Variants in WNK1 observed in about 807,000 individuals in gnomAD.
The protein encoded by WNK1 is WNK lysine deficient protein kinase 1, also known as serine/threonine-protein kinase WNK1.
Under a neutral mutation model 222.8 loss-of-function variants are expected in WNK1, and 38 were observed. The observed-to-expected ratio is 0.17, with a 90% confidence interval of 0.13 to 0.22. The LOEUF (loss-of-function observed/expected upper bound fraction) is 0.22, where lower values mean the gene tolerates loss of function less well. Ranked by LOEUF, WNK1 falls within the 10% of genes least tolerant of loss-of-function variation. The pLI is 1.00. For synonymous variants in WNK1, 1,090 were observed against 1,092.9 expected (o/e 1.00, Z 0.05); for missense variants, 2,348 against 2,918.4 (o/e 0.80, Z 4.50).
Position 908,861 on chromosome 12 carries a change from G to GGGGGGGGGGGGGGGCCA in WNK1, c.*69_*70insGGGGGGGGGGGGGGCCA. On this transcript the variant is annotated 3_prime_UTR_variant, in exon 28 of 28. Transcript: ENST00000315939. ...ATGCTGAGGGGGTGGGTGGGGGTGG[G>GGGGGGGGGGGGGGGCCA]AAGTAGCCTATATACTAACTACTAG... 3 of 491,846 alleles carry GGGGGGGGGGGGGGGCCA rather than the reference G, an allele frequency of 6.1e-6. No individual in the cohort carries two copies. Among genetic ancestry groups the GGGGGGGGGGGGGGGCCA allele is most frequent in the Admixed American group, 2.2e-5 (1 of 46,428 alleles). The allele number at this position is 491,846 out of a possible 1,614,324, so 30.5% of individuals were successfully genotyped here.
At chr12:834,273 C>T (rs1393464139) in intron 4 of WNK1, among the ~76,000 whole-genome samples, 1 of 152,140 alleles carries the variant, frequency 6.6e-6, no homozygotes, top group Non-Finnish European at 1.5e-5. Flanking sequence ...TTCTCCTGCT[C>T]CCAAATCCTG....
chr12:868,560 T>A, intron 8 of WNK1: 1 of 1,613,974 alleles, frequency 6.2e-7, no homozygotes, highest in Non-Finnish European at 8.5e-7. Flanking sequence ...TTTCACCCTG[T>A]CTTTGTTCCT....
Position 827,023 on chromosome 12 carries a change from T to A in WNK1, c.933-19T>A. The stretch of plus-strand genomic sequence containing the variant: ...CTCCTATCATTGATAACTTGTTTGG[T>A]ATACTTTGCTTTTTCTAGGTATCTG... On this transcript the variant is annotated intron_variant, in intron 2 of 27. Coordinates refer to ENST00000315939, the MANE Select transcript of WNK1 (RefSeq NM_018979.4). The surrounding 1 kb of genome is among the most constrained non-coding windows in gnomAD (Gnocchi z 4.6). 6.2e-7 allele frequency: 1 copy of A among 1,600,404 alleles called. No homozygotes were observed. The highest frequency in any genetic ancestry group is 2.2e-5 in the East Asian group (1 of 44,822).
chr12:757,640 C>G (rs1186397261), intron 1 of WNK1, among the ~76,000 whole-genome samples: 1 of 120,092 alleles, frequency 8.3e-6, no homozygotes, highest in South Asian at 2.9e-4. Context: ...ATTTGGTTGT[C>G]TTGGTCAGAA....
chr12:908,777 C>A lies in WNK1; in HGVS notation c.7134C>A (p.Asn2378Lys). The change falls in exon 28 of 28, where the codon AAC becomes AAA. Residue 2378 changes from asparagine to lysine, a missense_variant. Physicochemically the swap from Asn to Lys is moderately conservative, Grantham distance 94 (BLOSUM62 0). Around this residue, in one of 13 missense-constraint regions of WNK1, gnomAD observed 76 missense variants for 85.7 expected, o/e 0.89. Transcript: ENST00000315939. ...CCATCAGCAACCCCCCAGGCTCCAA[C>A]CTGCGGACCACTTAGACCTAGAGAC... is the stretch of plus-strand genomic sequence containing the variant. ...QKSISNPPGSNLRTT is the reference protein window; with the variant it reads ...QKSISNPPGSKLRTT 2 of 1,607,840 alleles carry A rather than the reference C, an allele frequency of 1.2e-6. No individual in the cohort carries two copies. Among genetic ancestry groups the A allele is most frequent in the Non-Finnish European group, 1.7e-6 (2 of 1,176,468 alleles).
intron 26 of WNK1, among the ~76,000 whole-genome samples, chr12:903,419 A>C (rs1410501194): frequency 6.6e-6 from 1 of 152,146 alleles, no homozygotes; most frequent in Non-Finnish European, 1.5e-5. Context: ...TTTAATTTGC[A>C]TGTCCACCTA....
At chr12:786,228 C>T (rs1363492757) in intron 1 of WNK1, among the ~76,000 whole-genome samples, 1 of 152,074 alleles carries the variant, frequency 6.6e-6, no homozygotes, top group African/African-American at 2.4e-5. Flanking sequence ...AACGTGTCAG[C>T]CCTACAAAAT....
At chr12:818,847 T>C (rs1461411420) in intron 2 of WNK1, among the ~76,000 whole-genome samples, 6 of 152,246 alleles carry the variant, frequency 3.9e-5, no homozygotes, top group Non-Finnish European at 2.9e-5. Flanking sequence ...CATGGAAATA[T>C]CACAGTTTGT....
At position 908,041 on chromosome 12, in the gene WNK1, C is replaced by G. The variant is rs1462074950; in HGVS notation, c.6831+7C>G. On this transcript the variant is annotated splice_region_variant and intron_variant, in intron 27 of 27. Coordinates refer to ENST00000315939, the MANE Select transcript of WNK1 (RefSeq NM_018979.4). ...AGGGCACATGAATTACGAGGTAAGT[C>G]TCTCTTTTGCCGCAGAGAATCCGTA... The G allele has an allele frequency of 1.2e-6, 2 of 1,613,876 alleles. No homozygotes were observed. The highest frequency in any genetic ancestry group is 1.7e-6 in the Non-Finnish European group (2 of 1,179,970).
chr12:897,386 A>G (rs894338410), intron 24 of WNK1, 93 bp from the exon 25 acceptor site: 37 of 855,894 alleles, frequency 4.3e-5, no homozygotes, highest in Middle Eastern at 2.2e-4. Flanking sequence ...TAACTACTAC[A>G]TACTTGAAAG....
At chr12:868,960 C>A in intron 8 of WNK1, 1 of 1,588,720 alleles carries the variant, frequency 6.3e-7, no homozygotes. Context: ...CACCTTTTGG[C>A]TCTGACGTCT....
chr12:799,417 C>T, intron 1 of WNK1, among the ~76,000 whole-genome samples: 1 of 151,322 alleles, frequency 6.6e-6, no homozygotes, highest in East Asian at 2.0e-4. Flanking sequence ...AGGCATGAGC[C>T]ACCGCACCCG....
chr12:763,598 A>AG (rs1425228018), intron 1 of WNK1, among the ~76,000 whole-genome samples: 69 of 146,968 alleles, frequency 4.7e-4, no homozygotes, highest in African/African-American at 1.7e-3. Flanking sequence ...TCAAAAAAAA[A>AG]AGAAAAAGTT....
At chr12:848,250 G>A (rs1259254570) in intron 4 of WNK1, among the ~76,000 whole-genome samples, 1 of 152,134 alleles carries the variant, frequency 6.6e-6, no homozygotes, top group Non-Finnish European at 1.5e-5. Flanking sequence ...TTTGAGCAGT[G>A]TGATTATGAG....
chr12:811,572 T>A (rs1946908102), intron 1 of WNK1, among the ~76,000 whole-genome samples: 1 of 152,156 alleles, frequency 6.6e-6, no homozygotes, highest in African/African-American at 2.4e-5. Flanking sequence ...TTGGCAAAAA[T>A]TATTTTTAAA....
chr12:763,830 G>C lies in WNK1; in HGVS notation c.759+9506G>C, dbSNP rs1418586546. Among the ~76,000 whole-genome samples, 2 of 147,516 alleles carry C rather than the reference G, an allele frequency of 1.4e-5. 1 individual carries two copies. Among genetic ancestry groups the C allele is most frequent in the Non-Finnish European group, 3.0e-5 (2 of 66,060 alleles). On this transcript the variant is annotated intron_variant, in intron 1 of 27. Transcript: ENST00000315939. ...ATTAATTGGTGTTTGGAGGAAAAAT[G>C]AAGCATGGATAAGAGGTTAGGGGAT...
chr12:827,383 G>A lies in WNK1; in HGVS notation c.1153+121G>A, dbSNP rs1400968705. On this transcript the variant is annotated intron_variant, in intron 3 of 27. Coordinates refer to ENST00000315939, the MANE Select transcript of WNK1 (RefSeq NM_018979.4). This position sits in a 1 kb window ranked among gnomAD's most constrained non-coding sequence, Gnocchi z 4.6. ...TAAGAAATTCATAGCTTGAACTCAGGAGGTGATCCATTGTACTTATGAGAT... is the reference window on the plus strand; with the variant it reads ...TAAGAAATTCATAGCTTGAACTCAGAAGGTGATCCATTGTACTTATGAGAT... The A allele has an allele frequency of 2.4e-6, 2 of 849,338 alleles. No homozygotes were observed. Among genetic ancestry groups the A allele is most frequent in the African/African-American group, 1.7e-5 (1 of 59,586 alleles). 52.6% of individuals were successfully genotyped at this position (849,338 alleles called of 1,614,324 possible). A position where few individuals can be genotyped will look rare whatever the true frequency, so the allele number is the denominator to read the frequency against.
At chr12:875,032 T>TA (rs1340905263) in intron 9 of WNK1, among the ~76,000 whole-genome samples, 1 of 152,008 alleles carries the variant, frequency 6.6e-6, no homozygotes, top group African/African-American at 2.4e-5. Flanking sequence ...GGCCAGAAGA[T>TA]AAAAAAATTA....
chr12:896,985 T>G (rs1269027441), intron 24 of WNK1, among the ~76,000 whole-genome samples: 1 of 150,540 alleles, frequency 6.6e-6, no homozygotes, highest in African/African-American at 2.5e-5. Flanking sequence ...TCTCTTGCAC[T>G]CATACAGACC....
Sources: allele counts gnomAD v4.1 joint callset (sites outside exome capture counted in the v4.1 genomes callset), GRCh38; gene constraint gnomAD v4.1.1; regional missense constraint gnomAD v4.1.1; non-coding constraint Gnocchi (gnomAD v3.1); transcripts MANE v1.5; gene names NCBI Gene and HGNC (gene_info 2026-07-23, HGNC 2026-07-21).